SLC44A5: variants seen among roughly 807,000 people sequenced by gnomAD.
The protein encoded by SLC44A5 is solute carrier family 44 member 5.
Under a neutral mutation model 101.8 loss-of-function variants are expected in SLC44A5, and 57 were observed. The ratio of observed to expected loss-of-function variants is 0.56; its 90% CI spans 0.45 to 0.70. The LOEUF (loss-of-function observed/expected upper bound fraction) is 0.70. SLC44A5 is among the 30% of genes least tolerant of loss of function. The pLI is 0.00. For synonymous variants in SLC44A5, 281 were observed against 290.9 expected (o/e 0.97, Z 0.35); for missense variants, 737 against 853.1 (o/e 0.86, Z 1.70).
At chr1:75,452,075 A>C (rs552385172) in intron 2 of SLC44A5, among the ~76,000 whole-genome samples, 1 of 152,262 alleles carries the variant, frequency 6.6e-6, no homozygotes, top group South Asian at 2.1e-4. Flanking sequence ...ATACAAAACA[A>C]ACCCCACAAA....
At chr1:75,305,175 G>A (rs1019573928) in intron 4 of SLC44A5, among the ~76,000 whole-genome samples, 8 of 152,026 alleles carry the variant, frequency 5.3e-5, no homozygotes, top group Non-Finnish European at 7.4e-5. Context: ...TTAAAGTGTT[G>A]GGAGTTGTCT....
rs1054202659 is a variant in SLC44A5 at position 75,202,435 on chromosome 1, C to T, written c.*1292G>A. 2 of 152,158 alleles carry T rather than the reference C, an allele frequency of 1.3e-5. No individual in the cohort carries two copies. The highest frequency in any genetic ancestry group is 2.1e-4 in the South Asian group (1 of 4,828). The allele number at this position is 152,158 out of a possible 1,614,324, so 9.4% of individuals were successfully genotyped here. Reference sequence around the variant, plus strand: ...ATTATCATTATATGATTGACATTCTCTTAGGGTGAATACTTTTCTGGACTC... The same window carrying T: ...ATTATCATTATATGATTGACATTCTTTTAGGGTGAATACTTTTCTGGACTC... On this transcript the variant is annotated 3_prime_UTR_variant, in exon 24 of 24. Transcript: ENST00000370859.
chr1:75,681,862 C>T, the SLC44A5 span, among the ~76,000 whole-genome samples: 3 of 152,132 alleles, frequency 2.0e-5, no homozygotes, highest in Non-Finnish European at 2.9e-5. Context: ...GAAAACCCCA[C>T]TGTCTCAGCC....
the SLC44A5 span, among the ~76,000 whole-genome samples, chr1:75,640,449 T>C: frequency 1.3e-5 from 2 of 152,010 alleles, no homozygotes. Flanking sequence ...CCAGAGTAAA[T>C]GTGACAGGGA....
intron 1 of SLC44A5, among the ~76,000 whole-genome samples, chr1:75,594,322 G>GA (rs1417243771): frequency 1.3e-5 from 2 of 151,192 alleles, no homozygotes; most frequent in South Asian, 2.1e-4. Context: ...GTTCTGAAGG[G>GA]AAAAAAAAGA....
chr1:75,432,364 T>C (rs17645210), intron 2 of SLC44A5, among the ~76,000 whole-genome samples: 14,426 of 152,220 alleles, frequency 0.095, 861 homozygotes, highest in Admixed American at 0.19. Context: ...GAAACAGTCA[T>C]CTTTACATCA....
At chr1:75,404,309 C>T (rs1376298104) in intron 2 of SLC44A5, among the ~76,000 whole-genome samples, 1 of 152,110 alleles carries the variant, frequency 6.6e-6, no homozygotes, top group Non-Finnish European at 1.5e-5. Flanking sequence ...CCCAACCTAG[C>T]AAGAAAGGCC....
intron 1 of SLC44A5, among the ~76,000 whole-genome samples, chr1:75,609,493 T>G (rs1287978407): frequency 1.3e-5 from 2 of 152,090 alleles, no homozygotes; most frequent in Non-Finnish European, 2.9e-5. Context: ...CTTCTTAGTT[T>G]GGAGGACTGT....
chr1:75,588,742 T>TC (rs1386093497), intron 1 of SLC44A5, among the ~76,000 whole-genome samples: 2 of 12,592 alleles, frequency 1.6e-4, no homozygotes, highest in African/African-American at 4.2e-4. Flanking sequence ...ATACTGGTTT[T>TC]TTTAAAAAGC....
intron 6 of SLC44A5, 84 bp from the exon 7 acceptor site, chr1:75,251,378 A>C (rs539184246): frequency 8.8e-7 from 1 of 1,134,308 alleles, no homozygotes; most frequent in South Asian, 1.5e-5. Flanking sequence ...TTTATAAATA[A>C]CCTTTAAAAA....
At chr1:75,448,446 C>T (rs958920905) in intron 2 of SLC44A5, among the ~76,000 whole-genome samples, 4 of 152,172 alleles carry the variant, frequency 2.6e-5, no homozygotes, top group Non-Finnish European at 5.9e-5. Flanking sequence ...CAAAAGAAGA[C>T]GTTAGCTAGG....
intron 2 of SLC44A5, among the ~76,000 whole-genome samples, chr1:75,513,649 G>A (rs565597672): frequency 1.2e-3 from 182 of 152,124 alleles, no homozygotes; most frequent in Non-Finnish European, 2.2e-3. Context: ...CACTCACTTG[G>A]AAATGAATGC....
intron 5 of SLC44A5, among the ~76,000 whole-genome samples, chr1:75,294,047 G>C (rs1339536583): frequency 6.6e-6 from 1 of 152,080 alleles, no homozygotes; most frequent in African/African-American, 2.4e-5. Flanking sequence ...AAAGGTTCCT[G>C]GAACAATTTA....
chr1:75,520,040 G>C (rs1670033837), intron 2 of SLC44A5, among the ~76,000 whole-genome samples: 1 of 152,216 alleles, frequency 6.6e-6, no homozygotes, highest in Admixed American at 6.5e-5. Flanking sequence ...GATGGAGACA[G>C]AAACCCATTT....
intron 2 of SLC44A5, among the ~76,000 whole-genome samples, chr1:75,433,777 G>A (rs1318919253): frequency 6.6e-6 from 1 of 152,088 alleles, no homozygotes; most frequent in Non-Finnish European, 1.5e-5. Context: ...TGCTGATAAA[G>A]ATGTACCCGA....
chr1:75,323,780 T>C (rs997486002), intron 4 of SLC44A5, among the ~76,000 whole-genome samples: 3 of 152,208 alleles, frequency 2.0e-5, no homozygotes, highest in African/African-American at 4.8e-5. Flanking sequence ...TTAACATCTA[T>C]GTTTATCTCT....
chr1:75,391,156 A>G (rs541499417), intron 3 of SLC44A5, among the ~76,000 whole-genome samples: 1 of 152,310 alleles, frequency 6.6e-6, no homozygotes, highest in Non-Finnish European at 1.5e-5. Context: ...ATAGAGAACT[A>G]CAAGGAGAAC....
intron 3 of SLC44A5, among the ~76,000 whole-genome samples, chr1:75,389,244 CCTAA>C (rs1661622091): frequency 2.0e-5 from 3 of 152,008 alleles, no homozygotes; most frequent in Admixed American, 6.6e-5. Context: ...ACCTCAATAC[CCTAA>C]CTAAGAGTGT....
intron 9 of SLC44A5, among the ~76,000 whole-genome samples, chr1:75,241,692 T>C (rs969540104): frequency 2.6e-5 from 4 of 152,104 alleles, no homozygotes; most frequent in African/African-American, 9.7e-5. Flanking sequence ...TATATGAGCA[T>C]ATCTGTGTGT....
Sources: gnomAD v4.1 joint callset for allele counts (sites outside exome capture counted in the v4.1 genomes callset) on GRCh38, gnomAD v4.1.1 for gene constraint, MANE v1.5 for transcripts, NCBI Gene and HGNC (gene_info 2026-07-23, HGNC 2026-07-21) for gene names.